The following SOX6 variants were observed in gnomAD, a reference collection of about 807,000 sequenced individuals.
SOX6 encodes the protein SRY-box transcription factor 6.
A neutral mutation model predicts 97.8 loss-of-function variants in SOX6; 11 were observed. The ratio of observed to expected loss-of-function variants is 0.11; its 90% CI spans 0.07 to 0.19. The LOEUF (loss-of-function observed/expected upper bound fraction) is 0.19, where lower values mean the gene tolerates loss of function less well. SOX6 is among the 10% of genes least tolerant of loss of function. The probability of loss-of-function intolerance (pLI) is 1.00; values close to 1 mark genes in which losing one functional copy is unlikely to be tolerated. For synonymous variants in SOX6, 360 were observed against 371.4 expected, an observed-to-expected ratio of 0.97 and a Z score of 0.35; for missense variants, 810 against 1,039.5, an observed-to-expected ratio of 0.78 and a Z score of 3.04.
intron 11 of SOX6, 71 bp from the exon 12 acceptor site, chr11:16,046,772 C>T: frequency 1.4e-6 from 2 of 1,460,824 alleles, no homozygotes; most frequent in South Asian, 2.3e-5. Flanking sequence ...ACTATCCCCT[C>T]CCCTGTAGAA....
intron 6 of SOX6, among the ~76,000 whole-genome samples, chr11:16,150,766 C>A (rs1294391988): frequency 6.6e-6 from 1 of 152,118 alleles, no homozygotes; most frequent in Non-Finnish European, 1.5e-5. Context: ...AACTTTTAAC[C>A]AGGCATCGAT....
intron 1 of SOX6, among the ~76,000 whole-genome samples, chr11:16,464,043 G>T (rs528403922): frequency 6.6e-6 from 1 of 152,136 alleles, no homozygotes; most frequent in African/African-American, 2.4e-5. Flanking sequence ...TGGTTATACA[G>T]GATATCTCAC....
intron 3 of SOX6, among the ~76,000 whole-genome samples, chr11:16,701,598 C>T (rs1242474530): frequency 1.3e-5 from 2 of 152,010 alleles, no homozygotes; most frequent in Non-Finnish European, 2.9e-5. Flanking sequence ...CAACTCACGC[C>T]TGTAATCCCA....
At chr11:16,648,842 A>G (rs1849051493) in intron 3 of SOX6, among the ~76,000 whole-genome samples, 1 of 152,228 alleles carries the variant, frequency 6.6e-6, no homozygotes, top group South Asian at 2.1e-4. Context: ...AAGAAAGGTG[A>G]AAACAAACTT....
intron 15 of SOX6, among the ~76,000 whole-genome samples, chr11:15,984,212 T>C (rs561693862): frequency 6.6e-6 from 1 of 152,356 alleles, no homozygotes; most frequent in Non-Finnish European, 1.5e-5. Context: ...TATTTTTACA[T>C]GCATTGGTAC....
chr11:16,606,663 G>A (rs1483612874), intron 4 of SOX6, among the ~76,000 whole-genome samples: 1 of 152,182 alleles, frequency 6.6e-6, no homozygotes, highest in Non-Finnish European at 1.5e-5. Flanking sequence ...AGTGAGGTGG[G>A]CCGAGAGGGC....
At chr11:15,998,734 A>G (rs77418701) in intron 13 of SOX6, among the ~76,000 whole-genome samples, 2,675 of 152,206 alleles carry the variant, frequency 0.018, 77 homozygotes, top group African/African-American at 0.061. Flanking sequence ...GACACATTGG[A>G]AAAAAATCCT....
At chr11:16,541,106 A>T (rs9666154) in intron 4 of SOX6, among the ~76,000 whole-genome samples, 5,111 of 152,240 alleles carry the variant, frequency 0.034, 280 homozygotes, top group African/African-American at 0.12. Context: ...ACAGCATGGT[A>T]CTGGTACCAA....
chr11:16,595,752 C>G (rs1163400595), intron 4 of SOX6, among the ~76,000 whole-genome samples: 1 of 152,030 alleles, frequency 6.6e-6, no homozygotes, highest in Non-Finnish European at 1.5e-5. Context: ...GCATGGACAA[C>G]AGAGCAAGAC....
chr11:16,435,912 C>T (rs966625685), intron 1 of SOX6, among the ~76,000 whole-genome samples: 2 of 152,048 alleles, frequency 1.3e-5, no homozygotes, highest in Non-Finnish European at 2.9e-5. Flanking sequence ...GGTCTCTCTC[C>T]ATTAAGGGAT....
intron 6 of SOX6, among the ~76,000 whole-genome samples, chr11:16,180,962 A>C (rs184278872): frequency 6.6e-6 from 1 of 151,886 alleles, no homozygotes; most frequent in East Asian, 1.9e-4. Context: ...CCTGTTTTTC[A>C]ATTTGTGGAA....
chr11:16,209,496 C>A (rs764608769), intron 4 of SOX6, among the ~76,000 whole-genome samples: 2 of 152,130 alleles, frequency 1.3e-5, no homozygotes, highest in East Asian at 3.9e-4. Flanking sequence ...TGGCTCACAC[C>A]GGTAATCCCA....
chr11:16,621,488 G>C (rs546199264), intron 3 of SOX6, among the ~76,000 whole-genome samples: 1 of 152,264 alleles, frequency 6.6e-6, no homozygotes, highest in Non-Finnish European at 1.5e-5. Context: ...CCTACAAATA[G>C]TGGGAGTGAG....
intron 4 of SOX6, among the ~76,000 whole-genome samples, chr11:16,583,614 C>CATATATATATATATATATACATATATAT (rs1848053726): frequency 9.5e-6 from 1 of 104,718 alleles, no homozygotes; most frequent in Non-Finnish European, 2.1e-5. Flanking sequence ...TATATATATA[C>CATATATATATATATATATACATATATAT]ATATATATAT....
chr11:16,418,186 T>C (rs1316475307), intron 1 of SOX6, among the ~76,000 whole-genome samples: 1 of 152,188 alleles, frequency 6.6e-6, no homozygotes, highest in Non-Finnish European at 1.5e-5. Flanking sequence ...GCAGGAATCA[T>C]GGCAATTCAA....
chr11:16,191,629 TA>T (rs1851633063), intron 4 of SOX6, among the ~76,000 whole-genome samples: 1 of 152,106 alleles, frequency 6.6e-6, no homozygotes, highest in African/African-American at 2.4e-5. Context: ...AATGATTCTC[TA>T]AAAAGCACTG....
intron 3 of SOX6, among the ~76,000 whole-genome samples, chr11:16,699,350 A>G (rs1431426408): frequency 6.6e-6 from 1 of 152,170 alleles, no homozygotes; most frequent in Non-Finnish European, 1.5e-5. Context: ...CTGACTCCCA[A>G]CCCTATGTTT....
In SOX6 at chr11:16,042,285, T is replaced by G. The variant is rs1323520206; in HGVS notation, c.1623+4229A>C. Among the ~76,000 whole-genome samples, 3 of 152,172 alleles carry G rather than the reference T, an allele frequency of 2.0e-5. No individual in the cohort carries two copies. The East Asian group carries it at 5.8e-4, about 29-fold the overall frequency. On this transcript the variant is annotated intron_variant, in intron 12 of 15. Coordinates refer to ENST00000683767, the MANE Select transcript of SOX6 (RefSeq NM_001367873.1). The stretch of plus-strand genomic sequence containing the variant: ...TTGGTCTAGCCACCTCTTTTGTTTC[T>G]TTGTCTATACCAGCACCATTCAATC...
intron 6 of SOX6, among the ~76,000 whole-genome samples, chr11:16,154,022 A>C (rs1850529962): frequency 6.6e-6 from 1 of 152,160 alleles, no homozygotes. Context: ...ATAAAAGTGA[A>C]GTAAGATGGC....
Sources: gnomAD v4.1 joint callset for allele counts (sites outside exome capture counted in the v4.1 genomes callset) on GRCh38, gnomAD v4.1.1 for gene constraint, MANE v1.5 for transcripts, NCBI Gene and HGNC (gene_info 2026-07-23, HGNC 2026-07-21) for gene names.